The following FAM20B variants were observed in gnomAD, a reference collection of about 807,000 sequenced individuals.
FAM20B encodes the protein FAM20B glycosaminoglycan xylosylkinase, also known as glycosaminoglycan xylosylkinase.
FAM20B carries 23 observed loss-of-function variants against 43.8 expected under a neutral mutation model. The ratio of observed to expected loss-of-function variants is 0.53; its 90% CI spans 0.38 to 0.74. The LOEUF (loss-of-function observed/expected upper bound fraction) is 0.74. Among genes scored for constraint, FAM20B ranks in the 30% least tolerant of loss-of-function variants. The pLI is 0.00. For synonymous variants in FAM20B, 178 were observed against 192.4 expected (o/e 0.93, Z 0.62); for missense variants, 440 against 510.5 (o/e 0.86, Z 1.33).
upstream of FAM20B, among the ~76,000 whole-genome samples, chr1:179,024,911 T>C (rs1240399545): frequency 1.3e-5 from 2 of 152,236 alleles, no homozygotes; most frequent in African/African-American, 4.8e-5. Context: ...ACATCCAGTA[T>C]CATACAGCCA....
In FAM20B at chr1:179,075,040, A is replaced by C. The variant is rs1652074188; in HGVS notation, c.*2896A>C. 6.6e-6 allele frequency: 1 copy of C among 151,944 alleles called. No homozygotes were observed. The highest frequency in any genetic ancestry group is 1.5e-5 in the Non-Finnish European group (1 of 67,966). 9.4% of individuals were successfully genotyped at this position (151,944 alleles called of 1,614,324 possible). A position where few individuals can be genotyped will look rare whatever the true frequency, so the allele number is the denominator to read the frequency against. ...GAGACCGTCTCTACTAAAAATGCAAAAATTAACAGGGCACGGTGGCATGCG... is the reference window on the plus strand; with the variant it reads ...GAGACCGTCTCTACTAAAAATGCAACAATTAACAGGGCACGGTGGCATGCG... On this transcript the variant is annotated 3_prime_UTR_variant, in exon 8 of 8. Transcript: ENST00000263733.
In FAM20B at chr1:179,044,087, G is replaced by C. The variant is rs1650660968; in HGVS notation, c.240G>C (p.Glu80Asp). ...WVVPREVYPE[E>D]TPELGAVMHA... ...TTCCCCGGGAAGTGTACCCTGAAGA[G>C]ACACCAGAGCTGGGGGCAGTCATGC... The change falls in exon 2 of 8, where the codon GAG becomes GAC. Residue 80 changes from glutamate (E) to aspartate (D), a missense_variant. Transcript: ENST00000263733. 1.2e-6 allele frequency: 2 copies of C among 1,614,012 alleles called. No individual in the cohort carries two copies. Among genetic ancestry groups the C allele is most frequent in the Admixed American group, 1.7e-5 (1 of 60,004 alleles).
chr1:179,035,958 C>T (rs955898071), intron 1 of FAM20B, among the ~76,000 whole-genome samples: 4 of 152,046 alleles, frequency 2.6e-5, no homozygotes, highest in Middle Eastern at 3.4e-3. Flanking sequence ...GGAGAAACCC[C>T]GTCTCTACTA....
intron 1 of FAM20B, among the ~76,000 whole-genome samples, chr1:179,038,951 A>C (rs552794499): frequency 2.0e-5 from 3 of 152,356 alleles, no homozygotes; most frequent in Non-Finnish European, 4.4e-5. Flanking sequence ...AACTTCATTC[A>C]GCTGGCCCAC....
At chr1:179,041,046 C>T (rs540053317) in intron 1 of FAM20B, among the ~76,000 whole-genome samples, 1 of 150,280 alleles carries the variant, frequency 6.7e-6, no homozygotes, top group African/African-American at 2.5e-5. Flanking sequence ...TCCTCACTTC[C>T]TAGATGGGAT....
intron 3 of FAM20B, 142 bp from the exon 4 acceptor site, chr1:179,054,387 T>C: frequency 1.8e-6 from 1 of 543,146 alleles, no homozygotes; most frequent in African/African-American, 1.9e-5. Context: ...TTCCTAAATA[T>C]ATGTACCTCT....
rs1344698301 is a variant in FAM20B, at chr1:179,054,526, C to G, written c.465-3C>G. The stretch of plus-strand genomic sequence containing the variant: ...TCTTCTGTTCTTCAATCTTCCAAAC[C>G]AGGATTCTGGGTTTCCACCGAGCCC... On this transcript the variant is annotated splice_region_variant and splice_polypyrimidine_tract_variant and intron_variant, in intron 3 of 7. Coordinates refer to ENST00000263733, the MANE Select transcript of FAM20B (RefSeq NM_014864.4). 1.4e-5 allele frequency: 23 copies of G among 1,597,404 alleles called. No homozygotes were observed. The highest frequency in any genetic ancestry group is 2.0e-5 in the Non-Finnish European group (23 of 1,165,992).
chr1:179,045,849 G>A (rs1263309708), intron 2 of FAM20B, among the ~76,000 whole-genome samples: 1 of 151,526 alleles, frequency 6.6e-6, no homozygotes, highest in Non-Finnish European at 1.5e-5. Context: ...AGCCATGCTC[G>A]TGCCACTGCC....
intron 1 of FAM20B, among the ~76,000 whole-genome samples, chr1:179,031,672 G>A (rs1307244649): frequency 6.6e-6 from 1 of 152,158 alleles, no homozygotes; most frequent in Non-Finnish European, 1.5e-5. Context: ...ATGTTTAAAT[G>A]GAAGTGAAAA....
intron 2 of FAM20B, among the ~76,000 whole-genome samples, chr1:179,047,254 C>T (rs1650810713): frequency 6.6e-6 from 1 of 152,070 alleles, no homozygotes; most frequent in Non-Finnish European, 1.5e-5. Context: ...TCTCTTACTA[C>T]CACTGCAGCC....
At chr1:179,055,224 A>C (rs949251448) in intron 4 of FAM20B, among the ~76,000 whole-genome samples, 1 of 152,164 alleles carries the variant, frequency 6.6e-6, no homozygotes, top group African/African-American at 2.4e-5. Flanking sequence ...GAGGTAAGAG[A>C]TCTGAGCTAA....
rs114078549 is a variant in FAM20B at position 179,027,544 on chromosome 1, C to A, written c.-134+1446C>A. ...GATGTTGGACTTTGGCCTCTCGAAC[C>A]GTACAATGGAATCAGTCAGCAGGAG... On this transcript the variant is annotated intron_variant, in intron 1 of 7. Coordinates refer to ENST00000263733, the MANE Select transcript of FAM20B (RefSeq NM_014864.4). Among the ~76,000 whole-genome samples, 379 of 152,288 alleles carry A rather than the reference C, an allele frequency of 2.5e-3. 5 individuals are homozygous for A. The highest frequency in any genetic ancestry group is 8.9e-3 in the African/African-American group (369 of 41,560).
At chr1:179,055,751 T>G (rs571074048) in intron 4 of FAM20B, among the ~76,000 whole-genome samples, 5 of 151,988 alleles carry the variant, frequency 3.3e-5, no homozygotes, top group Non-Finnish European at 7.4e-5. Flanking sequence ...AAGCAGAGGA[T>G]TTGTAGAGGA....
At chr1:179,061,203 C>G (rs1051736409) in intron 4 of FAM20B, among the ~76,000 whole-genome samples, 1 of 151,258 alleles carries the variant, frequency 6.6e-6, no homozygotes, top group Non-Finnish European at 1.5e-5. Context: ...CTCAGCCTTC[C>G]GAGTATTTGG....
At chr1:179,070,771 G>A (rs907295931) in intron 7 of FAM20B, among the ~76,000 whole-genome samples, 4 of 151,260 alleles carry the variant, frequency 2.6e-5, no homozygotes, top group African/African-American at 4.9e-5. Flanking sequence ...GGCCCACCTC[G>A]GCCTCCCAAA....
chr1:179,050,136 T>G (rs1205582672), intron 2 of FAM20B, 143 bp from the exon 3 acceptor site: 5 of 574,528 alleles, frequency 8.7e-6, no homozygotes, highest in Admixed American at 3.0e-5. Flanking sequence ...CAATTCATGC[T>G]AATCCACAGT....
chr1:179,037,477 G>GTAT (rs1211509731), intron 1 of FAM20B, among the ~76,000 whole-genome samples: 1 of 80,636 alleles, frequency 1.2e-5, no homozygotes, highest in Non-Finnish European at 2.3e-5. Context: ...CTGTATGTCG[G>GTAT]TCTTTTTTTT....
chr1:179,026,444 C>T (rs1372050690), intron 1 of FAM20B, among the ~76,000 whole-genome samples: 4 of 152,148 alleles, frequency 2.6e-5, no homozygotes, highest in East Asian at 1.9e-4. Context: ...GCCAGAGGTC[C>T]TTCTAGTGAC....
chr1:179,058,093 A>G (rs942920118), intron 4 of FAM20B, among the ~76,000 whole-genome samples: 2 of 152,250 alleles, frequency 1.3e-5, no homozygotes, highest in African/African-American at 4.8e-5. Flanking sequence ...GAAACCAATA[A>G]TATTGAAGTA....
Sources: gnomAD v4.1 joint callset for allele counts (sites outside exome capture counted in the v4.1 genomes callset) on GRCh38, gnomAD v4.1.1 for gene constraint, MANE v1.5 for transcripts, NCBI Gene and HGNC (gene_info 2026-07-23, HGNC 2026-07-21) for gene names.